Variants in FBXL17 observed in about 807,000 individuals in gnomAD.
FBXL17 encodes F-box/LRR-repeat protein 17.
In FBXL17, 22 loss-of-function variants were observed where a neutral mutation model predicts 66.2. The observed-to-expected ratio is 0.33, with a 90% CI of 0.24 to 0.47. The LOEUF is 0.47. Among genes scored for constraint, FBXL17 ranks in the 20% least tolerant of loss-of-function variants. The pLI is 1.00. For missense variants in FBXL17, 878 were observed against 948.2 expected (o/e 0.93, Z 0.97); for synonymous variants, 474 against 400.5 (o/e 1.18, Z -2.19).
intron 6 of FBXL17, among the ~76,000 whole-genome samples, chr5:108,070,340 T>C (rs1331630738): frequency 6.6e-6 from 1 of 152,236 alleles, no homozygotes; most frequent in Non-Finnish European, 1.5e-5. Flanking sequence ...CTCTTAAATA[T>C]ATTTTCAACA....
intron 7 of FBXL17, among the ~76,000 whole-genome samples, chr5:107,903,106 A>C (rs1749631093): frequency 6.6e-6 from 1 of 152,180 alleles, no homozygotes; most frequent in Non-Finnish European, 1.5e-5. Flanking sequence ...CCTGACTTGT[A>C]ATCTAAGCTT....
chr5:108,213,979 G>A (rs370583622), intron 5 of FBXL17, among the ~76,000 whole-genome samples: 65 of 152,168 alleles, frequency 4.3e-4, no homozygotes, highest in South Asian at 3.5e-3. Context: ...CAATACAGGA[G>A]TCCCTCTCCC....
At chr5:108,142,993 A>C (rs977710610) in intron 6 of FBXL17, among the ~76,000 whole-genome samples, 1 of 150,470 alleles carries the variant, frequency 6.6e-6, no homozygotes, top group Non-Finnish European at 1.5e-5. Context: ...TAATAATAAT[A>C]ATAATAATAA....
At chr5:108,334,462 G>A (rs1760280974) in intron 4 of FBXL17, among the ~76,000 whole-genome samples, 1 of 152,164 alleles carries the variant, frequency 6.6e-6, no homozygotes, top group South Asian at 2.1e-4. Flanking sequence ...GCATCAAACT[G>A]AGACCTGACA....
chr5:108,112,065 G>T (rs1432581654), intron 6 of FBXL17, among the ~76,000 whole-genome samples: 2 of 152,214 alleles, frequency 1.3e-5, no homozygotes, highest in Non-Finnish European at 2.9e-5. Flanking sequence ...CAACAGTCTT[G>T]CTTGGCTTAG....
intron 8 of FBXL17, among the ~76,000 whole-genome samples, chr5:107,865,732 C>T (rs749752473): frequency 6.1e-4 from 93 of 152,184 alleles, no homozygotes; most frequent in Non-Finnish European, 9.3e-4. Flanking sequence ...AGCTCTGTTG[C>T]GTAGAAGTTA....
chr5:107,974,939 A>G (rs1752521289), intron 7 of FBXL17, among the ~76,000 whole-genome samples: 1 of 152,132 alleles, frequency 6.6e-6, no homozygotes, highest in South Asian at 2.1e-4. Flanking sequence ...TAAACATACA[A>G]TTCTCCCCAT....
At chr5:107,942,038 G>A (rs1328287789) in intron 7 of FBXL17, among the ~76,000 whole-genome samples, 2 of 152,122 alleles carry the variant, frequency 1.3e-5, no homozygotes, top group South Asian at 2.1e-4. Flanking sequence ...AAGGTACCAT[G>A]TTGGTCCCTG....
chr5:108,368,563 A>C (rs1308912928), intron 1 of FBXL17, among the ~76,000 whole-genome samples: 1 of 152,142 alleles, frequency 6.6e-6, no homozygotes, highest in African/African-American at 2.4e-5. Context: ...AAGGTCATGA[A>C]AAACAACAAA....
At chr5:108,277,103 T>C (rs914601852) in intron 4 of FBXL17, among the ~76,000 whole-genome samples, 6 of 152,158 alleles carry the variant, frequency 3.9e-5, no homozygotes, top group African/African-American at 1.4e-4. Flanking sequence ...ATCATGACAC[T>C]GCTTTACAAC....
chr5:108,067,252 C>A (rs1409725207), intron 6 of FBXL17, among the ~76,000 whole-genome samples: 2 of 152,012 alleles, frequency 1.3e-5, no homozygotes, highest in African/African-American at 4.8e-5. Context: ...ACATGTAAAA[C>A]AGACTTAATA....
intron 6 of FBXL17, among the ~76,000 whole-genome samples, chr5:108,161,648 C>T (rs1251685840): frequency 6.6e-6 from 1 of 152,202 alleles, no homozygotes; most frequent in Admixed American, 6.5e-5. Flanking sequence ...TGAATCAACT[C>T]GGGGTCCAGG....
chr5:108,305,331 G>T (rs909023134), intron 4 of FBXL17, among the ~76,000 whole-genome samples: 1 of 151,948 alleles, frequency 6.6e-6, no homozygotes, highest in Non-Finnish European at 1.5e-5. Context: ...GGAGGTGGGT[G>T]GTAGGGAAAG....
At chr5:108,023,286 T>C in intron 6 of FBXL17, among the ~76,000 whole-genome samples, 1 of 152,200 alleles carries the variant, frequency 6.6e-6, no homozygotes, top group East Asian at 1.9e-4. Context: ...ATTAATTTTA[T>C]ATCTGTTATG....
chr5:108,168,497 T>C (rs1446595864), intron 6 of FBXL17, among the ~76,000 whole-genome samples: 4 of 152,228 alleles, frequency 2.6e-5, no homozygotes, highest in African/African-American at 4.8e-5. Context: ...ACTGCTTTAA[T>C]AGAACGTTTG....
chr5:108,042,596 C>A (rs762552427), intron 6 of FBXL17, among the ~76,000 whole-genome samples: 18 of 152,194 alleles, frequency 1.2e-4, no homozygotes, highest in Non-Finnish European at 1.5e-5. Flanking sequence ...TACAAATAGT[C>A]TGTACCTTTT....
chr5:108,346,729 C>A (rs992485018), intron 4 of FBXL17, among the ~76,000 whole-genome samples: 1 of 152,102 alleles, frequency 6.6e-6, no homozygotes, highest in African/African-American at 2.4e-5. Flanking sequence ...GATACAGTGT[C>A]ATTTAATCGT....
intron 5 of FBXL17, among the ~76,000 whole-genome samples, chr5:108,187,289 CA>C (rs1454848308): frequency 6.6e-6 from 1 of 152,092 alleles, no homozygotes; most frequent in Non-Finnish European, 1.5e-5. Flanking sequence ...TAATAATATG[CA>C]AAACTTAATC....
At chr5:108,008,812 C>T (rs999423108) in intron 7 of FBXL17, among the ~76,000 whole-genome samples, 5 of 152,056 alleles carry the variant, frequency 3.3e-5, no homozygotes, top group African/African-American at 9.6e-5. Flanking sequence ...AGGCTGACTT[C>T]GGAGAGATTT....
Sources: allele counts gnomAD v4.1 joint callset (sites outside exome capture counted in the v4.1 genomes callset), GRCh38; gene constraint gnomAD v4.1.1; transcripts MANE v1.5; gene names NCBI Gene and HGNC (gene_info 2026-07-23, HGNC 2026-07-21).